TENM4: variants seen among roughly 807,000 people sequenced by gnomAD.
The protein encoded by TENM4 is teneurin transmembrane protein 4.
In TENM4, 82 loss-of-function variants were observed where a neutral mutation model predicts 243.3. That is an observed-to-expected ratio of 0.34 (90% CI 0.28 to 0.40). The LOEUF (loss-of-function observed/expected upper bound fraction) is 0.40, where lower values mean the gene tolerates loss of function less well. Among genes scored for constraint, TENM4 ranks in the 10% least tolerant of loss-of-function variants. The probability of loss-of-function intolerance (pLI) is 1.00; values close to 1 mark genes in which losing one functional copy is unlikely to be tolerated. For synonymous variants in TENM4, 1,412 were observed against 1,456.3 expected, an observed-to-expected ratio of 0.97 and a Z score of 0.69; for missense variants, 3,138 against 3,673.3, an observed-to-expected ratio of 0.85 and a Z score of 3.77.
rs557749979 is a variant in TENM4, at chr11:78,933,746, G to A, written c.494-30223C>T. Among the ~76,000 whole-genome samples, 7 of 152,234 alleles carry A rather than the reference G, an allele frequency of 4.6e-5. No individual in the cohort carries two copies. The East Asian group carries it at 9.7e-4, about 21-fold the overall frequency. ...CACGTGTAAGCTGGGGGTCTCACTCGGCATCCCAGGACCTCTGTTTCTGTA... is the reference window on the plus strand; with the variant it reads ...CACGTGTAAGCTGGGGGTCTCACTCAGCATCCCAGGACCTCTGTTTCTGTA... On this transcript the variant is annotated intron_variant, in intron 6 of 33. Transcript: ENST00000278550.
At chr11:79,254,373 T>C (rs566883815) in intron 2 of TENM4, among the ~76,000 whole-genome samples, 3 of 152,328 alleles carry the variant, frequency 2.0e-5, no homozygotes, top group Non-Finnish European at 4.4e-5. Context: ...ACCTCCTAGG[T>C]ACGTTGTCAA....
intron 30 of TENM4, among the ~76,000 whole-genome samples, chr11:78,675,731 A>T (rs946304968): frequency 9.2e-5 from 14 of 152,202 alleles, no homozygotes; most frequent in African/African-American, 3.4e-4. Context: ...AATGGTAATA[A>T]ATCATAACAA....
At chr11:78,700,045 C>T (rs1359210208) in intron 28 of TENM4, among the ~76,000 whole-genome samples, 1 of 152,184 alleles carries the variant, frequency 6.6e-6, no homozygotes, top group Non-Finnish European at 1.5e-5. Context: ...AGGAATTTAG[C>T]CAGTGAACTT....
chr11:78,850,283 T>C (rs988710059), intron 12 of TENM4, among the ~76,000 whole-genome samples: 4 of 152,212 alleles, frequency 2.6e-5, no homozygotes, highest in African/African-American at 7.2e-5. Context: ...TGAAACACAA[T>C]TATTTCTCCT....
At chr11:78,876,003 T>C (rs1859261598) in intron 9 of TENM4, among the ~76,000 whole-genome samples, 1 of 152,096 alleles carries the variant, frequency 6.6e-6, no homozygotes, top group Non-Finnish European at 1.5e-5. Context: ...GACAGGGACA[T>C]GAGAGGAGGG....
At chr11:78,743,179 T>C (rs1383743317) in intron 19 of TENM4, among the ~76,000 whole-genome samples, 5 of 152,192 alleles carry the variant, frequency 3.3e-5, no homozygotes, top group African/African-American at 1.2e-4. Context: ...ATCTGGAAAC[T>C]TCCACCTCTC....
chr11:79,159,341 T>C (rs1862693691), intron 3 of TENM4, among the ~76,000 whole-genome samples: 1 of 152,222 alleles, frequency 6.6e-6, no homozygotes, highest in African/African-American at 2.4e-5. Context: ...TCTGATTTAA[T>C]CTTACCCTAC....
rs1277136171 is a variant in TENM4, at chr11:78,669,590, T to G, written c.6755A>C (p.Gln2252Pro). Residue 2252 changes from glutamine (Q) to proline (P), a missense_variant, in exon 32 of 34, where the codon CAA becomes CCA. Gln to Pro is a moderately conservative substitution (Grantham distance 76). Coordinates refer to ENST00000278550, the MANE Select transcript of TENM4 (RefSeq NM_001098816.3). This position sits in a 1 kb window ranked among gnomAD's most constrained non-coding sequence, Gnocchi z 6.4. ...GAAGCCATCCTCATCCATCTTGTAT[T>G]GCACGTCACCCAGCCGAGTGATGCG... ...RDRITRLGDVQYKMDEDGFLR... is the reference protein window; with the variant it reads ...RDRITRLGDVPYKMDEDGFLR... The G allele has an allele frequency of 6.2e-7, 1 of 1,613,998 alleles. No individual in the cohort carries two copies. The highest frequency in any genetic ancestry group is 1.3e-5 in the African/African-American group (1 of 75,040).
intron 1 of TENM4, among the ~76,000 whole-genome samples, chr11:79,375,998 A>G (rs1324458945): frequency 1.3e-5 from 2 of 152,224 alleles, no homozygotes; most frequent in African/African-American, 4.8e-5. Flanking sequence ...GCACTTTTAC[A>G]TTCTAAAGGA....
intron 6 of TENM4, among the ~76,000 whole-genome samples, chr11:79,013,167 G>T (rs1295809914): frequency 2.6e-5 from 4 of 152,158 alleles, no homozygotes; most frequent in Admixed American, 2.0e-4. Flanking sequence ...CATTCAGGGG[G>T]CACGAGAGCT....
At chr11:79,184,129 T>G (rs181976499) in intron 3 of TENM4, among the ~76,000 whole-genome samples, 1 of 152,208 alleles carries the variant, frequency 6.6e-6, no homozygotes, top group African/African-American at 2.4e-5. Flanking sequence ...GATAACTGGA[T>G]AATGTGATCT....
chr11:79,086,893 G>A (rs1435035946), intron 4 of TENM4, among the ~76,000 whole-genome samples: 3 of 150,424 alleles, frequency 2.0e-5, no homozygotes, highest in Non-Finnish European at 4.4e-5. Context: ...GCTGCCTAGT[G>A]TTTAAATAGT....
intron 6 of TENM4, among the ~76,000 whole-genome samples, chr11:78,939,151 C>T (rs1369936557): frequency 6.6e-6 from 1 of 152,178 alleles, no homozygotes; most frequent in Non-Finnish European, 1.5e-5. Flanking sequence ...CTTTCTCCTT[C>T]TCTGCTACTT....
At chr11:79,134,913 C>A (rs551794721) in intron 4 of TENM4, among the ~76,000 whole-genome samples, 8 of 152,156 alleles carry the variant, frequency 5.3e-5, no homozygotes, top group Non-Finnish European at 8.8e-5. Context: ...ATTGGAAAAA[C>A]CCTTCTAGAA....
intron 1 of TENM4, among the ~76,000 whole-genome samples, chr11:79,314,142 C>T (rs941414202): frequency 5.3e-5 from 8 of 152,106 alleles, no homozygotes; most frequent in African/African-American, 1.9e-4. Context: ...GAATGTGTGG[C>T]CTTGCAAGAG....
intron 1 of TENM4, among the ~76,000 whole-genome samples, chr11:79,426,140 A>G (rs899022438): frequency 7.2e-5 from 11 of 152,210 alleles, no homozygotes; most frequent in Non-Finnish European, 1.5e-4. Context: ...GGCTTTGTTC[A>G]TCAGTGCAGG....
At chr11:79,195,322 G>C (rs1015539505) in intron 3 of TENM4, among the ~76,000 whole-genome samples, 1 of 152,210 alleles carries the variant, frequency 6.6e-6, no homozygotes, top group African/African-American at 2.4e-5. Flanking sequence ...GGAGCTGTGA[G>C]AAGAGGGACA....
At chr11:79,291,105 G>A (rs80202961) in intron 2 of TENM4, among the ~76,000 whole-genome samples, 6,914 of 152,220 alleles carry the variant, frequency 0.045, 251 homozygotes, top group Non-Finnish European at 0.072. Flanking sequence ...GAGTGGTGAT[G>A]GTGGTGGGGG....
intron 3 of TENM4, among the ~76,000 whole-genome samples, chr11:79,179,168 T>C (rs1863232584): frequency 6.6e-6 from 1 of 152,238 alleles, no homozygotes; most frequent in Non-Finnish European, 1.5e-5. Flanking sequence ...ATCACCTCAC[T>C]TCTCCTCCTT....
Sources: allele counts gnomAD v4.1 joint callset (sites outside exome capture counted in the v4.1 genomes callset), GRCh38; gene constraint gnomAD v4.1.1; non-coding constraint Gnocchi (gnomAD v3.1); transcripts MANE v1.5; gene names NCBI Gene and HGNC (gene_info 2026-07-23, HGNC 2026-07-21).